Variants in PHLPP1 observed in about 807,000 individuals in gnomAD.
PHLPP1 encodes PH domain leucine-rich repeat-containing protein phosphatase 1.
Under a neutral mutation model 117.2 loss-of-function variants are expected in PHLPP1, and 42 were observed. The ratio of observed to expected loss-of-function variants is 0.36; its 90% CI spans 0.28 to 0.46. The LOEUF (loss-of-function observed/expected upper bound fraction) is 0.46. Among genes scored for constraint, PHLPP1 ranks in the 20% least tolerant of loss-of-function variants. The probability of loss-of-function intolerance (pLI) is 1.00; values close to 1 mark genes in which losing one functional copy is unlikely to be tolerated. For synonymous variants in PHLPP1, 1,042 were observed against 970.7 expected, an observed-to-expected ratio of 1.07 and a Z score of -1.37; for missense variants, 2,084 against 2,241.9, an observed-to-expected ratio of 0.93 and a Z score of 1.42.
chr18:62,728,648 A>T (rs566194165), intron 1 of PHLPP1, among the ~76,000 whole-genome samples: 138 of 151,942 alleles, frequency 9.1e-4, no homozygotes, highest in South Asian at 1.7e-3. Flanking sequence ...AGCTGGGATT[A>T]CAGGTACACA....
chr18:62,860,289 C>A, intron 3 of PHLPP1, 146 bp from the exon 4 acceptor site: 1 of 668,182 alleles, frequency 1.5e-6, no homozygotes, highest in African/African-American at 1.8e-5. Context: ...CGGCACATGA[C>A]TGAATACTCT....
At chr18:62,866,310 T>C (rs544010538) in intron 4 of PHLPP1, among the ~76,000 whole-genome samples, 3 of 151,890 alleles carry the variant, frequency 2.0e-5, no homozygotes, top group African/African-American at 4.8e-5. Context: ...AATGGTGCGA[T>C]CTTGACTTAC....
chr18:62,721,677 A>G (rs1253853787), intron 1 of PHLPP1, among the ~76,000 whole-genome samples: 1 of 152,154 alleles, frequency 6.6e-6, no homozygotes, highest in Non-Finnish European at 1.5e-5. Context: ...TTATTCCTAA[A>G]TTCGTGTGTC....
intron 1 of PHLPP1, among the ~76,000 whole-genome samples, chr18:62,752,437 T>C (rs1243441959): frequency 1.3e-5 from 2 of 152,244 alleles, no homozygotes; most frequent in Non-Finnish European, 2.9e-5. Context: ...TAGGTTTGGT[T>C]TAGAGTATGC....
At chr18:62,868,254 A>G (rs1316090874) in intron 4 of PHLPP1, among the ~76,000 whole-genome samples, 1 of 152,230 alleles carries the variant, frequency 6.6e-6, no homozygotes, top group East Asian at 1.9e-4. Context: ...TTATACCGTC[A>G]TCCTTTGACA....
chr18:62,869,219 C>T (rs1037086436), intron 4 of PHLPP1, among the ~76,000 whole-genome samples: 4 of 152,072 alleles, frequency 2.6e-5, no homozygotes, highest in Non-Finnish European at 4.4e-5. Flanking sequence ...GTTTGTCATG[C>T]TGTGATGTAG....
intron 4 of PHLPP1, among the ~76,000 whole-genome samples, chr18:62,868,486 A>G (rs1439488201): frequency 6.6e-6 from 1 of 152,032 alleles, no homozygotes; most frequent in Non-Finnish European, 1.5e-5. Flanking sequence ...GCTAGGCGTC[A>G]TGGCGCACAC....
chr18:62,898,867 C>T (rs970787060), intron 6 of PHLPP1, among the ~76,000 whole-genome samples: 8 of 150,246 alleles, frequency 5.3e-5, no homozygotes, highest in Non-Finnish European at 7.4e-5. Context: ...GGTGTGATCT[C>T]GGCTCACTGC....
At chr18:62,729,262 C>G (rs1366684681) in intron 1 of PHLPP1, among the ~76,000 whole-genome samples, 8 of 152,196 alleles carry the variant, frequency 5.3e-5, no homozygotes, top group Admixed American at 3.3e-4. Context: ...TTATAAGATT[C>G]TGTGTGTTGG....
intron 8 of PHLPP1, among the ~76,000 whole-genome samples, chr18:62,912,650 C>G (rs904332699): frequency 2.0e-5 from 3 of 152,030 alleles, no homozygotes; most frequent in African/African-American, 7.3e-5. Flanking sequence ...GATGGAGTCT[C>G]GCTCTGTTGC....
intron 6 of PHLPP1, 60 bp from the exon 7 acceptor site, chr18:62,902,904 T>G (rs1014492232): frequency 2.1e-6 from 2 of 952,724 alleles, no homozygotes; most frequent in African/African-American, 3.2e-5. Context: ...CATATTAGGG[T>G]GTGCCCATTT....
chr18:62,903,802 A>T (rs973412197), intron 7 of PHLPP1, among the ~76,000 whole-genome samples: 5 of 152,034 alleles, frequency 3.3e-5, no homozygotes, highest in African/African-American at 1.2e-4. Flanking sequence ...AAGATAATTT[A>T]AAAAAGATAA....
rs1599152033 is a variant in PHLPP1, at chr18:62,979,258, G to A, written c.4981G>A (p.Asp1661Asn). 2 of 1,580,370 alleles carry A rather than the reference G, an allele frequency of 1.3e-6. No individual in the cohort carries two copies. Among genetic ancestry groups the A allele is most frequent in the Non-Finnish European group, 8.6e-7 (1 of 1,162,676 alleles). The change falls in exon 17 of 17, where the codon GAT becomes AAT. Residue 1661 changes from aspartate to asparagine, a missense_variant. Around this residue, in one of 2 missense-constraint regions of PHLPP1, gnomAD observed 1,365 missense variants for 1,605.9 expected, o/e 0.85. Coordinates refer to ENST00000262719, the MANE Select transcript of PHLPP1 (RefSeq NM_194449.4). The stretch of plus-strand genomic sequence containing the variant: ...TGCTGCCCCGGCTCAGCCGGATCCT[G>A]ATGATCAGTTTATCATACCCCCGGA... ...YFAAPAQPDP[D>N]DQFIIPPELE...
chr18:62,893,879 A>G (rs1916487780), intron 4 of PHLPP1, among the ~76,000 whole-genome samples: 1 of 152,142 alleles, frequency 6.6e-6, no homozygotes, highest in Admixed American at 6.5e-5. Context: ...AAAATAGAGG[A>G]AAAAGAAGTG....
intron 8 of PHLPP1, among the ~76,000 whole-genome samples, chr18:62,912,734 T>C (rs1333267448): frequency 6.6e-6 from 1 of 152,096 alleles, no homozygotes; most frequent in Non-Finnish European, 1.5e-5. Flanking sequence ...ATTCTCCTGC[T>C]CCAGCCTCCT....
chr18:62,849,736 A>C (rs1413628653), intron 3 of PHLPP1, among the ~76,000 whole-genome samples: 1 of 129,528 alleles, frequency 7.7e-6, no homozygotes, highest in Non-Finnish European at 1.6e-5. Context: ...TGAGTGGGGA[A>C]GATCACTTGA....
At chr18:62,859,564 TC>T (rs1915580551) in intron 3 of PHLPP1, among the ~76,000 whole-genome samples, 1 of 152,226 alleles carries the variant, frequency 6.6e-6, no homozygotes, top group African/African-American at 2.4e-5. Flanking sequence ...GGAATCTGAT[TC>T]TACTGTACCA....
Position 62,919,994 on chromosome 18 carries a change from C to T in PHLPP1, c.2840C>T (p.Ala947Val), listed in dbSNP as rs1909414569. 3 of 1,606,974 alleles carry T rather than the reference C, an allele frequency of 1.9e-6. No homozygotes were observed. Among genetic ancestry groups the T allele is most frequent in the African/African-American group, 1.3e-5 (1 of 74,818 alleles). ...FCNSSLRKLL[A>V]GHNQLARLPE... The stretch of plus-strand genomic sequence containing the variant: ...AATAGCAGTCTCCGGAAACTACTGG[C>T]AGGACACAACCAGTTGGCAAGGCTG... Residue 947 changes from alanine (A) to valine (V), a missense_variant, in exon 10 of 17, where the codon GCA (alanine) becomes GTA (valine). Physicochemically the swap from Ala to Val is moderately conservative, Grantham distance 64. Transcript: ENST00000262719.
Position 62,860,609 on chromosome 18 carries a change from T to C in PHLPP1, c.2066+8T>C. ...GCTTAATGAACTGCAAAGGTAAGCC[T>C]GCAGAAATGGGTAGATCATTAGGAA... On this transcript the variant is annotated splice_region_variant and intron_variant, in intron 4 of 16. Coordinates refer to ENST00000262719, the MANE Select transcript of PHLPP1 (RefSeq NM_194449.4). 1.2e-6 allele frequency: 2 copies of C among 1,608,668 alleles called. No homozygotes were observed. The highest frequency in any genetic ancestry group is 1.7e-6 in the Non-Finnish European group (2 of 1,176,890).
Sources: allele counts gnomAD v4.1 joint callset (sites outside exome capture counted in the v4.1 genomes callset), GRCh38; gene constraint gnomAD v4.1.1; regional missense constraint gnomAD v4.1.1; transcripts MANE v1.5; gene names NCBI Gene and HGNC (gene_info 2026-07-23, HGNC 2026-07-21).